Variants in NECTIN1 observed in about 807,000 individuals in gnomAD.
NECTIN1 encodes the protein nectin-1.
In NECTIN1, 23 loss-of-function variants were observed where a neutral mutation model predicts 48.0. The observed-to-expected ratio is 0.48, with a 90% CI of 0.34 to 0.68. The LOEUF (loss-of-function observed/expected upper bound fraction) is 0.68. Among genes scored for constraint, NECTIN1 ranks in the 30% least tolerant of loss-of-function variants. The pLI, the probability that NECTIN1 is intolerant of heterozygous loss-of-function variation, is 0.01. For missense variants in NECTIN1, 591 were observed against 709.9 expected (o/e 0.83, Z 1.90); for synonymous variants, 270 against 288.9 (o/e 0.93, Z 0.66).
intron 5 of NECTIN1, among the ~76,000 whole-genome samples, chr11:119,652,205 A>G (rs1160485684): frequency 6.6e-6 from 1 of 152,222 alleles, no homozygotes; most frequent in Non-Finnish European, 1.5e-5. Context: ...TGTGGGGACC[A>G]GAGGAAGGTT....
At chr11:119,707,181 C>T (rs1865562836) in intron 1 of NECTIN1, among the ~76,000 whole-genome samples, 1 of 152,110 alleles carries the variant, frequency 6.6e-6, no homozygotes, top group African/African-American at 2.4e-5. Context: ...GGGCCACCAC[C>T]CTCGCCTTGT....
At chr11:119,687,390 C>T (rs1865176003) in intron 1 of NECTIN1, 1 of 152,256 alleles carries the variant, frequency 6.6e-6, no homozygotes, top group South Asian at 2.1e-4. Flanking sequence ...CCCCTCCCAC[C>T]ACCGCTGGGG....
intron 4 of NECTIN1, chr11:119,675,551 C>G: frequency 2.1e-6 from 1 of 467,378 alleles, no homozygotes; most frequent in South Asian, 2.4e-5. Context: ...TGCCGGTCCC[C>G]CTTAACAGAT....
At position 119,709,553 on chromosome 11, in the gene NECTIN1, G is replaced by A. The variant is rs1437110710; in HGVS notation, c.79+18922C>T. On this transcript the variant is annotated intron_variant, in intron 1 of 5. Coordinates refer to ENST00000264025, the MANE Select transcript of NECTIN1 (RefSeq NM_002855.5). This position sits in a 1 kb window ranked among gnomAD's most constrained non-coding sequence, Gnocchi z 4.1. Reference sequence around the variant, plus strand: ...AGGTTCAGGGGTTGGGGAAGGGAAGGGCTAGCTCCCTAGTCTGTAAGGGCA... The same window carrying A: ...AGGTTCAGGGGTTGGGGAAGGGAAGAGCTAGCTCCCTAGTCTGTAAGGGCA... Among the ~76,000 whole-genome samples, 1 of 152,150 alleles carries A rather than the reference G, an allele frequency of 6.6e-6. No homozygotes were observed. The highest frequency in any genetic ancestry group is 2.4e-5 in the African/African-American group (1 of 41,426).
Position 119,661,700 on chromosome 11 carries a change from G to A in NECTIN1, c.*3047C>T. The A allele has an allele frequency of 3.0e-6, 3 of 985,918 alleles. No individual in the cohort carries two copies. The highest frequency in any genetic ancestry group is 3.6e-6 in the Non-Finnish European group (3 of 829,962). 61.1% of individuals were successfully genotyped at this position (985,918 alleles called of 1,614,324 possible). A position where few individuals can be genotyped will look rare whatever the true frequency, so the allele number is the denominator to read the frequency against. On this transcript the variant is annotated 3_prime_UTR_variant, in exon 6 of 6. Transcript: ENST00000264025. Reference sequence around the variant, plus strand: ...GGCTGGCAGAGGAAGCGCATGCCCAGGAAACAGGGCCCCTATAAGGCTCTC... The same window carrying A: ...GGCTGGCAGAGGAAGCGCATGCCCAAGAAACAGGGCCCCTATAAGGCTCTC...
At chr11:119,656,559 T>C (rs1208907072), downstream of NECTIN1, 2 of 152,150 alleles carry the variant, frequency 1.3e-5, no homozygotes, top group East Asian at 1.9e-4. Context: ...TGTTGCAAAA[T>C]GAAAAGAAGC....
At chr11:119,638,605 T>C (rs1330656412) in intron 7 of NECTIN1, 5 of 895,494 alleles carry the variant, frequency 5.6e-6, no homozygotes, top group Admixed American at 4.0e-5. Context: ...GACCTGGCCT[T>C]GTGGGAACTG....
At chr11:119,696,223 C>G (rs1865338488) in intron 1 of NECTIN1, among the ~76,000 whole-genome samples, 1 of 152,166 alleles carries the variant, frequency 6.6e-6, no homozygotes, top group Non-Finnish European at 1.5e-5. Context: ...GGATTACAGG[C>G]GTGAGCCACT....
At position 119,675,267 on chromosome 11, in the gene NECTIN1, T is replaced by C; in HGVS notation, c.895A>G (p.Thr299Ala). ...LPKGVEAQNR[T>A]LFFKGPINYS... The stretch of plus-strand genomic sequence containing the variant: ...TTGATGGGTCCCTTGAAGAAGAGGG[T>C]TCTGTTCTGGGCCTCCACACCCTTG... Residue 299 changes from threonine (T) to alanine (A), a missense_variant, in exon 5 of 6, where the codon ACC (threonine) becomes GCC (alanine). Thr to Ala is a moderately conservative substitution (Grantham distance 58, BLOSUM62 0). Coordinates refer to ENST00000264025, the MANE Select transcript of NECTIN1 (RefSeq NM_002855.5). 1 of 1,613,812 alleles carries C rather than the reference T, an allele frequency of 6.2e-7. No individual in the cohort carries two copies. Among genetic ancestry groups the C allele is most frequent in the Non-Finnish European group, 8.5e-7 (1 of 1,179,952 alleles).
At chr11:119,658,588 C>A (rs1864613181), downstream of NECTIN1, among the ~76,000 whole-genome samples, 1 of 152,168 alleles carries the variant, frequency 6.6e-6, no homozygotes, top group African/African-American at 2.4e-5. Context: ...CCAACTTTCC[C>A]ACCCAATCCA....
chr11:119,674,718 A>T (rs974684434), intron 5 of NECTIN1: 9 of 1,613,970 alleles, frequency 5.6e-6, no homozygotes, highest in South Asian at 5.5e-5. Context: ...CTTTCTCTCC[A>T]GTCTCCCTGC....
chr11:119,712,309 AGGTCAC>A (rs1329354414), intron 1 of NECTIN1, among the ~76,000 whole-genome samples: 1 of 148,304 alleles, frequency 6.7e-6, no homozygotes, highest in East Asian at 2.0e-4. Flanking sequence ...TTCAGAATCA[AGGTCAC>A]GGTCCCAGAG....
At chr11:119,704,391 T>A (rs1263649509) in intron 1 of NECTIN1, among the ~76,000 whole-genome samples, 3 of 152,112 alleles carry the variant, frequency 2.0e-5, no homozygotes, top group Non-Finnish European at 4.4e-5. Flanking sequence ...CAGCTAATTT[T>A]TATATTTTTA....
intron 1 of NECTIN1, among the ~76,000 whole-genome samples, chr11:119,681,041 CCTAA>C (rs1865052338): frequency 2.0e-5 from 3 of 152,240 alleles, no homozygotes; most frequent in Admixed American, 6.5e-5. Context: ...TCCTCCTGGT[CCTAA>C]CTGTCTCATG....
rs1289343905 is a variant in NECTIN1, at chr11:119,662,413, C to T, written c.*2334G>A. 1.0e-5 allele frequency: 10 copies of T among 985,684 alleles called. No individual in the cohort carries two copies. The African/African-American group carries it at 1.6e-4, about 16-fold the overall frequency. 61.1% of individuals were successfully genotyped at this position (985,684 alleles called of 1,614,324 possible). A position where few individuals can be genotyped will look rare whatever the true frequency, so the allele number is the denominator to read the frequency against. ...GCTGGGCCCCTGGCAAGTCAGGAGC[C>T]TCCTACGTGGCCCATGCTACATGGA... On this transcript the variant is annotated 3_prime_UTR_variant, in exon 6 of 6. Transcript: ENST00000264025. The surrounding 1 kb of genome is among the most constrained non-coding windows in gnomAD (Gnocchi z 5.3).
At chr11:119,642,672 G>A (rs1864344353) in intron 5 of NECTIN1, 1 of 153,508 alleles carries the variant, frequency 6.5e-6, no homozygotes, top group Non-Finnish European at 1.5e-5. Context: ...TTGGATCCAG[G>A]ACCCCTAGCG....
rs1864970867 is a variant in NECTIN1 at position 119,677,343 on chromosome 11, T to C, written c.734-124A>G. 2.0e-6 allele frequency: 2 copies of C among 1,016,104 alleles called. No individual in the cohort carries two copies. Among genetic ancestry groups the C allele is most frequent in the Non-Finnish European group, 3.1e-6 (2 of 649,956 alleles). 62.9% of individuals were successfully genotyped at this position (1,016,104 alleles called of 1,614,324 possible). ...GAAACAGCCAGGAGAGAGGGAAGTG[T>C]GGGTGGGAGGGTGGCAATCACAGAG... On this transcript the variant is annotated intron_variant, in intron 3 of 5. Coordinates refer to ENST00000264025, the MANE Select transcript of NECTIN1 (RefSeq NM_002855.5). The surrounding 1 kb of genome is among the most constrained non-coding windows in gnomAD (Gnocchi z 5.4).
chr11:119,688,335 T>G (rs1439425422), intron 1 of NECTIN1, among the ~76,000 whole-genome samples: 1 of 152,126 alleles, frequency 6.6e-6, no homozygotes, highest in Non-Finnish European at 1.5e-5. Context: ...GGTTCCCTGA[T>G]TCCCATCCCG....
At chr11:119,690,428 G>T (rs1298750379) in intron 1 of NECTIN1, among the ~76,000 whole-genome samples, 1 of 152,206 alleles carries the variant, frequency 6.6e-6, no homozygotes. Context: ...GTCTTTATCC[G>T]ATGTGCTTCA....
Sources: allele counts gnomAD v4.1 joint callset (sites outside exome capture counted in the v4.1 genomes callset), GRCh38; gene constraint gnomAD v4.1.1; non-coding constraint Gnocchi (gnomAD v3.1); transcripts MANE v1.5; gene names NCBI Gene and HGNC (gene_info 2026-07-23, HGNC 2026-07-21).